ANKRD36C: variants seen among roughly 807,000 people sequenced by gnomAD.
ANKRD36C encodes the protein ankyrin repeat domain 36C, also known as ankyrin repeat domain-containing protein 36C.
In ANKRD36C, 61 loss-of-function variants were observed where a neutral mutation model predicts 276.4. The observed-to-expected ratio is 0.22, with a 90% CI of 0.18 to 0.27. ANKRD36C has a LOEUF of 0.27. ANKRD36C is among the 10% of genes least tolerant of loss of function. ANKRD36C has a pLI of 1.00. For missense variants in ANKRD36C, 1,447 were observed against 2,032.3 expected, an observed-to-expected ratio of 0.71 and a Z score of 5.54; for synonymous variants, 483 against 680.1, an observed-to-expected ratio of 0.71 and a Z score of 4.51.
At chr2:95,910,277 G>T in intron 42 of ANKRD36C, 96 bp downstream of exon 46, 2 of 1,318,676 alleles carry the variant, frequency 1.5e-6, no homozygotes, top group South Asian at 1.3e-5. Flanking sequence ...GAATCAGAAA[G>T]TGCAGCTTCG....
At chr2:95,882,835 C>A (rs192084620) in intron 54 of ANKRD36C, among the ~76,000 whole-genome samples, 6 of 152,190 alleles carry the variant, frequency 3.9e-5, no homozygotes, top group Middle Eastern at 3.4e-3. Flanking sequence ...ACCCAGGAAT[C>A]AATGTCAAAG....
chr2:95,853,225 T>A (rs1314822506), intron 64 of ANKRD36C: 1 of 153,416 alleles, frequency 6.5e-6, no homozygotes, highest in Non-Finnish European at 1.4e-5. Flanking sequence ...TAACCTGAAA[T>A]CTATGAAATA....
rs1678334320 is a variant in ANKRD36C, at chr2:95,956,673, T to C, written c.1136+113A>G. ...TGGAGATGACATGACATGATAAATA[T>C]TAAGCATGTAATACGGTGTCTAGCA... On this transcript the variant is annotated intron_variant, in intron 13 of 66. Coordinates refer to ENST00000456556, the Ensembl canonical transcript of ANKRD36C. 1.9e-5 allele frequency: 18 copies of C among 944,114 alleles called. No homozygotes were observed. The South Asian group carries it at 3.5e-4, about 18-fold the overall frequency. The allele number at this position is 944,114 out of a possible 1,614,324, so 58.5% of individuals were successfully genotyped here. A position where few individuals can be genotyped will look rare whatever the true frequency, so the allele number is the denominator to read the frequency against.
chr2:95,862,526 C>T (rs1234995969), intron 60 of ANKRD36C, among the ~76,000 whole-genome samples: 2 of 151,508 alleles, frequency 1.3e-5, no homozygotes, highest in African/African-American at 2.4e-5. Context: ...AATGCAGCTA[C>T]AGCTGTACTT....
chr2:95,987,494 G>C (rs1377411340), intron 1 of ANKRD36C, among the ~76,000 whole-genome samples: 14 of 150,584 alleles, frequency 9.3e-5, no homozygotes, highest in Non-Finnish European at 2.1e-4. Flanking sequence ...ATAGTAGCTA[G>C]CCCACAGAAC....
chr2:95,875,997 T>A (rs1558623650), intron 59 of ANKRD36C: 2 of 441,764 alleles, frequency 4.5e-6, no homozygotes, highest in East Asian at 1.4e-4. Context: ...AAAAGGAAAG[T>A]AAATTTTTAA....
Position 95,927,251 on chromosome 2 carries a change from T to A in ANKRD36C, c.1902A>T (p.Ile634=), listed in dbSNP as rs756913774. 2.5e-5 allele frequency: 40 copies of A among 1,610,202 alleles called. No homozygotes were observed. In the African/African-American group the frequency reaches 5.1e-4, roughly 20 times the overall value. The change falls in exon 28 of 67, where the codon ATA becomes ATT. Residue 634 remains isoleucine, a synonymous_variant. Coordinates refer to ENST00000456556, the Ensembl canonical transcript of ANKRD36C. Reference sequence around the variant, plus strand: ...GTTGTCCCTCCTTTATTTCTGTGGCTATATTTGAAACAGAATCTTTCTCAT... The same window carrying A: ...GTTGTCCCTCCTTTATTTCTGTGGCAATATTTGAAACAGAATCTTTCTCAT...
chr2:95,894,141 A>T (rs1573747125), intron 44 of ANKRD36C: 1 of 237,716 alleles, frequency 4.2e-6, no homozygotes, highest in East Asian at 1.1e-4. Context: ...TACTAAAAAC[A>T]TTCATCATGC....
At chr2:95,971,083 G>A (rs1271814969) in intron 6 of ANKRD36C, among the ~76,000 whole-genome samples, 1 of 152,038 alleles carries the variant, frequency 6.6e-6, no homozygotes, top group Non-Finnish European at 1.5e-5. Flanking sequence ...ATTATGTTCT[G>A]TAATATAGAA....
chr2:95,883,339 T>C (rs1454302107), intron 54 of ANKRD36C, among the ~76,000 whole-genome samples: 1 of 152,126 alleles, frequency 6.6e-6, no homozygotes, highest in Non-Finnish European at 1.5e-5. Flanking sequence ...CAAATTAATT[T>C]TGTTTCTAAA....
intron 59 of ANKRD36C, among the ~76,000 whole-genome samples, chr2:95,870,639 C>A (rs1359994789): frequency 6.6e-6 from 1 of 152,184 alleles, no homozygotes; most frequent in Non-Finnish European, 1.5e-5. Flanking sequence ...CAGTTCCTCA[C>A]CAGCAACAGA....
chr2:95,985,492 C>G (rs1679009847), intron 3 of ANKRD36C, among the ~76,000 whole-genome samples: 1 of 152,184 alleles, frequency 6.6e-6, no homozygotes, highest in Admixed American at 6.5e-5. Flanking sequence ...ATCTGTTGCT[C>G]TGGCTAGAGG....
chr2:95,891,424 G>C (rs1042859822), intron 46 of ANKRD36C, among the ~76,000 whole-genome samples: 4 of 151,378 alleles, frequency 2.6e-5, no homozygotes, highest in African/African-American at 9.7e-5. Context: ...CTTATGCCTT[G>C]AACTGCTCTC....
At chr2:95,893,358 T>A (rs1296419237) in intron 44 of ANKRD36C, among the ~76,000 whole-genome samples, 175 bp downstream of exon 64, 1 of 150,990 alleles carries the variant, frequency 6.6e-6, no homozygotes, top group Non-Finnish European at 1.5e-5. Context: ...ACAGCCAAGG[T>A]CATGTTCCAG....
intron 44 of ANKRD36C, 48 bp downstream of exon 64, chr2:95,893,485 C>G (rs1180513981): frequency 1.3e-6 from 2 of 1,533,000 alleles, no homozygotes; most frequent in East Asian, 2.5e-5. Context: ...AAGGGAACTT[C>G]TTATCTATCT....
chr2:95,970,824 C>G (rs1401233915), intron 6 of ANKRD36C, among the ~76,000 whole-genome samples: 5 of 152,092 alleles, frequency 3.3e-5, no homozygotes, highest in African/African-American at 9.7e-5. Flanking sequence ...AAAGTACAAC[C>G]TCTTGAGATT....
At chr2:95,967,686 C>T (rs1385680746) in intron 6 of ANKRD36C, among the ~76,000 whole-genome samples, 1 of 151,924 alleles carries the variant, frequency 6.6e-6, no homozygotes, top group African/African-American at 2.4e-5. Context: ...TGTACAGTGG[C>T]TCGTTCCTGT....
intron 46 of ANKRD36C, 149 bp from the exon 67 acceptor site, chr2:95,890,143 T>G: frequency 1.1e-5 from 12 of 1,095,466 alleles, no homozygotes; most frequent in African/African-American, 1.6e-5. Context: ...GACAAGAACA[T>G]GACAGAAGTA....
intron 46 of ANKRD36C, 73 bp downstream of exon 66, chr2:95,891,592 C>G: frequency 1.3e-6 from 2 of 1,485,766 alleles, no homozygotes; most frequent in Non-Finnish European, 1.8e-6. Flanking sequence ...GAACCCCCCG[C>G]TGATTTATTC....
Sources: allele counts gnomAD v4.1 joint callset (sites outside exome capture counted in the v4.1 genomes callset), GRCh38; gene constraint gnomAD v4.1.1; transcripts MANE v1.5; gene names NCBI Gene and HGNC (gene_info 2026-07-23, HGNC 2026-07-21).